LRBA: variants seen among roughly 807,000 people sequenced by gnomAD.
LRBA encodes lipopolysaccharide-responsive and beige-like anchor protein.
Under a neutral mutation model 330.0 loss-of-function variants are expected in LRBA, and 176 were observed. That is an observed-to-expected ratio of 0.53 (90% CI 0.47 to 0.60). The LOEUF (loss-of-function observed/expected upper bound fraction) is 0.60. LRBA is among the 20% of genes least tolerant of loss of function. The pLI, the probability that LRBA is intolerant of heterozygous loss-of-function variation, is 0.00. For synonymous variants in LRBA, 1,230 were observed against 1,193.0 expected (o/e 1.03, Z -0.64); for missense variants, 3,259 against 3,444.8 (o/e 0.95, Z 1.35).
At chr4:150,303,994 A>G (rs932733275) in intron 52 of LRBA, among the ~76,000 whole-genome samples, 3 of 152,234 alleles carry the variant, frequency 2.0e-5, no homozygotes, top group Admixed American at 2.0e-4. Context: ...TCTAGCTTAC[A>G]TATTTCCTTT....
intron 2 of LRBA, among the ~76,000 whole-genome samples, chr4:150,951,963 G>C (rs1217291048): frequency 6.6e-6 from 1 of 152,114 alleles, no homozygotes; most frequent in Non-Finnish European, 1.5e-5. Flanking sequence ...TGCTGATATG[G>C]AAAATGAAAT....
At chr4:150,903,575 C>CA (rs1177729142) in intron 13 of LRBA, among the ~76,000 whole-genome samples, 1 of 151,536 alleles carries the variant, frequency 6.6e-6, no homozygotes, top group African/African-American at 2.4e-5. Flanking sequence ...ATCATCTCTA[C>CA]AAAAAAATAC....
chr4:150,755,558 A>G (rs755331438), intron 35 of LRBA, among the ~76,000 whole-genome samples: 13 of 152,212 alleles, frequency 8.5e-5, no homozygotes, highest in Non-Finnish European at 1.8e-4. Context: ...ATTCAAGATG[A>G]GAATTTAAAT....
At chr4:150,302,227 T>C (rs186038966) in intron 53 of LRBA, among the ~76,000 whole-genome samples, 17 of 152,018 alleles carry the variant, frequency 1.1e-4, no homozygotes, top group Middle Eastern at 3.4e-3. Flanking sequence ...AAGCATAATT[T>C]TATCAAGACT....
At chr4:150,854,985 C>T (rs984805228) in intron 22 of LRBA, among the ~76,000 whole-genome samples, 4 of 151,836 alleles carry the variant, frequency 2.6e-5, no homozygotes, top group Non-Finnish European at 4.4e-5. Context: ...TGGCTGGGCA[C>T]GGTGGCTCAC....
chr4:150,867,129 A>C (rs1054095952), intron 22 of LRBA, among the ~76,000 whole-genome samples: 12 of 151,590 alleles, frequency 7.9e-5, no homozygotes, highest in Admixed American at 7.2e-4. Context: ...AAAAAAAAAA[A>C]AAAACTACAT....
At chr4:150,312,816 G>C (rs1237960749) in intron 51 of LRBA, among the ~76,000 whole-genome samples, 2 of 152,160 alleles carry the variant, frequency 1.3e-5, no homozygotes, top group Admixed American at 6.5e-5. Flanking sequence ...TCAAAGATTT[G>C]AGTGGTACAG....
chr4:150,553,486 T>G (rs1766889299), intron 40 of LRBA, among the ~76,000 whole-genome samples: 1 of 151,616 alleles, frequency 6.6e-6, no homozygotes, highest in East Asian at 1.9e-4. Flanking sequence ...AAAATAACAC[T>G]CCCTCACCTG....
chr4:150,271,311 G>C (rs1206077239), intron 56 of LRBA, among the ~76,000 whole-genome samples: 7 of 141,150 alleles, frequency 5.0e-5, no homozygotes, highest in African/African-American at 1.9e-4. Flanking sequence ...CTAGCTGCAG[G>C]AGTTTTTTTT....
intron 37 of LRBA, among the ~76,000 whole-genome samples, chr4:150,676,626 A>G (rs1158939864): frequency 2.0e-5 from 3 of 152,224 alleles, no homozygotes; most frequent in East Asian, 3.9e-4. Context: ...TTCTCAAGTG[A>G]TTCTCATATT....
rs959963814 is a variant in LRBA at position 150,337,986 on chromosome 4, A to C, written c.7362+12006T>G. ...AGACTGATGGAATTCTAAGCCAAAA[A>C]TGCTTTTCCTTGGATAAGATATCTG... On this transcript the variant is annotated intron_variant, in intron 48 of 56. Transcript: ENST00000651943. Among the ~76,000 whole-genome samples, 3 of 152,166 alleles carry C rather than the reference A, an allele frequency of 2.0e-5. No homozygotes were observed. In the South Asian group the frequency reaches 6.2e-4, roughly 32 times the overall value.
chr4:150,294,684 G>A (rs1324392406), intron 53 of LRBA, among the ~76,000 whole-genome samples: 3 of 152,188 alleles, frequency 2.0e-5, no homozygotes, highest in Non-Finnish European at 2.9e-5. Context: ...AGGCGCAGTG[G>A]CTCACGCCTG....
intron 35 of LRBA, among the ~76,000 whole-genome samples, chr4:150,739,644 T>C (rs1266452768): frequency 6.6e-6 from 1 of 152,168 alleles, no homozygotes; most frequent in African/African-American, 2.4e-5. Context: ...TTAAATAAGA[T>C]GGTAACTTGC....
intron 16 of LRBA, among the ~76,000 whole-genome samples, chr4:150,894,773 C>A (rs149427655): frequency 2.0e-4 from 30 of 152,252 alleles, no homozygotes; most frequent in African/African-American, 5.8e-4. Flanking sequence ...TCCAGTTTAT[C>A]TCATATAAAG....
intron 55 of LRBA, among the ~76,000 whole-genome samples, chr4:150,279,128 A>T (rs574385955): frequency 6.6e-6 from 1 of 152,320 alleles, no homozygotes; most frequent in African/African-American, 2.4e-5. Context: ...CTGGCCTTCC[A>T]TAAATAAGGT....
At chr4:150,679,202 T>C (rs1203865055) in intron 37 of LRBA, among the ~76,000 whole-genome samples, 1 of 152,178 alleles carries the variant, frequency 6.6e-6, no homozygotes, top group Non-Finnish European at 1.5e-5. Flanking sequence ...GCCATAGCTT[T>C]TAACGGGTCA....
At position 150,278,626 on chromosome 4, in the gene LRBA, C is replaced by G. The variant is rs182365236; in HGVS notation, c.8317-622G>C. Among the ~76,000 whole-genome samples the G allele has an allele frequency of 1.4e-3, 213 of 152,302 alleles. 1 individual carries two copies. Among genetic ancestry groups the G allele is most frequent in the African/African-American group, 4.8e-3 (201 of 41,566 alleles). Reference sequence around the variant, plus strand: ...CTAGGCTGTGCCCCTCTGTCCTTTCCTACTAGCGCTGAACAGACAGTACAG... The same window carrying G: ...CTAGGCTGTGCCCCTCTGTCCTTTCGTACTAGCGCTGAACAGACAGTACAG... On this transcript the variant is annotated intron_variant, in intron 55 of 56. Coordinates refer to ENST00000651943, the MANE Select transcript of LRBA (RefSeq NM_001364905.1).
chr4:150,801,157 A>C (rs1267341182), intron 33 of LRBA, among the ~76,000 whole-genome samples: 1 of 152,160 alleles, frequency 6.6e-6, no homozygotes, highest in Non-Finnish European at 1.5e-5. Context: ...CATTATGAGA[A>C]ACTTTAATAA....
chr4:150,929,054 T>C lies in LRBA; in HGVS notation c.228A>G (p.Gly76=). Residue 76 remains glycine (G), a synonymous_variant, in exon 3 of 57, where the codon GGA becomes GGG. Coordinates refer to ENST00000651943, the MANE Select transcript of LRBA (RefSeq NM_001364905.1). ...VETVFNLLVG[G]QFDLEMNFII... ...TGAAATTCATTTCCAGATCAAACTG[T>C]CCTCCTACCAACTTACAAGGAAAAA... is the stretch of plus-strand genomic sequence containing the variant. 1.9e-6 allele frequency: 3 copies of C among 1,606,514 alleles called. No individual in the cohort carries two copies. In the South Asian group the frequency reaches 3.3e-5, roughly 18 times the overall value.
Sources: allele counts gnomAD v4.1 joint callset (sites outside exome capture counted in the v4.1 genomes callset), GRCh38; gene constraint gnomAD v4.1.1; transcripts MANE v1.5; gene names NCBI Gene and HGNC (gene_info 2026-07-23, HGNC 2026-07-21).